RPS19: variants seen among roughly 807,000 people sequenced by gnomAD.
RPS19 encodes the protein ribosomal protein S19, also known as small ribosomal subunit protein eS19.
RPS19 carries 1 observed loss-of-function variant against 20.3 expected under a neutral mutation model. That is an observed-to-expected ratio of 0.05 (90% confidence interval 0.02 to 0.23). RPS19 has a LOEUF of 0.23. Ranked by LOEUF, RPS19 falls within the 10% of genes least tolerant of loss-of-function variation. RPS19 has a pLI of 1.00. For missense variants in RPS19, 111 were observed against 192.7 expected (o/e 0.58, Z 2.51); for synonymous variants, 87 against 74.8 (o/e 1.16, Z -0.84).
At chr19:41,869,595 G>C in intron 4 of RPS19, 104 bp from the exon 5 acceptor site, 1 of 1,261,094 alleles carries the variant, frequency 7.9e-7, no homozygotes, top group Non-Finnish European at 1.1e-6. Context: ...GACTTGGCTG[G>C]CGGCAGGTGG....
At chr19:41,863,477 T>G (rs1555839754) in intron 3 of RPS19, among the ~76,000 whole-genome samples, 1 of 152,152 alleles carries the variant, frequency 6.6e-6, no homozygotes, top group Non-Finnish European at 1.5e-5. Context: ...CCCTGCTATA[T>G]TCCCTTTTTT....
chr19:41,862,554 T>TGGTCAG (rs2074042965), intron 3 of RPS19, among the ~76,000 whole-genome samples: 1 of 152,160 alleles, frequency 6.6e-6, no homozygotes, highest in African/African-American at 2.4e-5. Context: ...GATCTGGGAT[T>TGGTCAG]AGCCTTTCTC....
In RPS19 at chr19:41,871,334, T is replaced by G; in HGVS notation, c.412-17T>G. ...GACCCCCTTGACTAACTTTTATTCT[T>G]CCATCTTTTCCCACAGGTGGCAGCT... is the stretch of plus-strand genomic sequence containing the variant. On this transcript the variant is annotated splice_polypyrimidine_tract_variant and intron_variant, in intron 5 of 5. Coordinates refer to ENST00000598742, the MANE Select transcript of RPS19 (RefSeq NM_001022.4). 6.2e-7 allele frequency: 1 copy of G among 1,613,644 alleles called. No homozygotes were observed. The highest frequency in any genetic ancestry group is 8.5e-7 in the Non-Finnish European group (1 of 1,179,604).
Position 41,871,371 on chromosome 19 carries a change from G to A in RPS19, c.432G>A (p.Lys144=). 1 of 1,613,946 alleles carries A rather than the reference G, an allele frequency of 6.2e-7. No individual in the cohort carries two copies. Among genetic ancestry groups the A allele is most frequent in the Non-Finnish European group, 8.5e-7 (1 of 1,179,858 alleles). Reference sequence around the variant, plus strand: ...CACAGGTGGCAGCTGCCAACAAGAAGCATTAGAACAAACCATGCTGGGTTA... The same window carrying A: ...CACAGGTGGCAGCTGCCAACAAGAAACATTAGAACAAACCATGCTGGGTTA... ...IAGQVAAANK[K]H Residue 144 remains lysine (K), a synonymous_variant, in exon 6 of 6, where the codon AAG becomes AAA. Transcript: ENST00000598742.
rs1410317912 is a variant in RPS19, at chr19:41,869,820, C to G, written c.411+67C>G. ...TGCCCAAGCATTTCCAAAGCCCATA[C>G]TTTGTCAGGTAGACTTATTTCCTTC... is the stretch of plus-strand genomic sequence containing the variant. On this transcript the variant is annotated intron_variant, in intron 5 of 5. Transcript: ENST00000598742. 2.6e-6 allele frequency: 4 copies of G among 1,540,490 alleles called. No homozygotes were observed. In the African/African-American group the frequency reaches 4.1e-5, roughly 16 times the overall value.
intron 3 of RPS19, among the ~76,000 whole-genome samples, chr19:41,866,514 T>TA (rs554298310): frequency 1.1e-3 from 162 of 152,266 alleles, no homozygotes; most frequent in African/African-American, 3.7e-3. Flanking sequence ...TATGGGCACT[T>TA]ATTACCAGGC....
chr19:41,861,000 C>T (rs962109573), intron 2 of RPS19, 112 bp from the exon 3 acceptor site: 5 of 1,116,910 alleles, frequency 4.5e-6, no homozygotes, highest in Non-Finnish European at 6.8e-6. Flanking sequence ...CCGGTTCCAG[C>T]CTCTCTTTGT....
intron 3 of RPS19, among the ~76,000 whole-genome samples, chr19:41,865,671 C>CG (rs1555840260): frequency 6.6e-6 from 1 of 151,720 alleles, no homozygotes; most frequent in African/African-American, 2.4e-5. Context: ...AACAGAGGCC[C>CG]GGCGCGGTGG....
chr19:41,865,363 C>CAAA lies in RPS19; in HGVS notation c.173-3655_173-3653dup, dbSNP rs11445219. ...CCTGGGCAACAGAGTGAGACTGTCTCAAAAAAAAAAAAAAAGCACCTAATA... is the reference window on the plus strand; with the variant it reads ...CCTGGGCAACAGAGTGAGACTGTCTCAAAAAAAAAAAAAAAAAAGCACCTAATA... On this transcript the variant is annotated intron_variant, in intron 3 of 5. Transcript: ENST00000598742. Among the ~76,000 whole-genome samples the CAAA allele has an allele frequency of 3.8e-5, 5 of 130,720 alleles. 1 individual carries two copies. The South Asian group carries it at 1.2e-3, about 31-fold the overall frequency. The allele number at this position is 130,720 out of a possible 152,430, so 85.8% of individuals were successfully genotyped here.
chr19:41,861,130 C>G lies in RPS19; in HGVS notation c.90C>G (p.Val30=), dbSNP rs782708988. 1 of 1,614,004 alleles carries G rather than the reference C, an allele frequency of 6.2e-7. No homozygotes were observed. Among genetic ancestry groups the G allele is most frequent in the Non-Finnish European group, 8.5e-7 (1 of 1,179,956 alleles). ...GTCTTAGGTCCGGGAAGCTGAAAGT[C>G]CCCGAATGGGTGGATACCGTCAAGC... The part of the protein sequence containing the change: ...AFLKKSGKLK[V]PEWVDTVKLA... The change falls in exon 3 of 6, where the codon GTC becomes GTG. Residue 30 remains valine (V), a synonymous_variant. Coordinates refer to ENST00000598742, the MANE Select transcript of RPS19 (RefSeq NM_001022.4).
Position 41,862,630 on chromosome 19 carries a change from T to C in RPS19, c.172+1418T>C, listed in dbSNP as rs568277239. Among the ~76,000 whole-genome samples, 271 of 132,814 alleles carry C rather than the reference T, an allele frequency of 2.0e-3. 2 individuals are homozygous for C. The highest frequency in any genetic ancestry group is 7.1e-3 in the African/African-American group (258 of 36,444). 87.1% of individuals were successfully genotyped at this position (132,814 alleles called of 152,430 possible). A position where few individuals can be genotyped will look rare whatever the true frequency, so the allele number is the denominator to read the frequency against. On this transcript the variant is annotated intron_variant, in intron 3 of 5. Coordinates refer to ENST00000598742, the MANE Select transcript of RPS19 (RefSeq NM_001022.4). Reference sequence around the variant, plus strand: ...CTCCAAAGTAGGACTGTATGTGTCTTGTACATTTTTTTTTTTTTTTTTAAC... The same window carrying C: ...CTCCAAAGTAGGACTGTATGTGTCTCGTACATTTTTTTTTTTTTTTTTAAC...
intron 3 of RPS19, 21 bp downstream of exon 3, chr19:41,861,233 G>T (rs376154871): frequency 1.0e-5 from 16 of 1,578,554 alleles, no homozygotes; most frequent in Non-Finnish European, 1.3e-5. Flanking sequence ...TAGGTCTTTG[G>T]CTGGAGAGTG....
In RPS19 at chr19:41,861,079, T is replaced by C. The variant is rs200588231; in HGVS notation, c.72-33T>C. 45 of 1,543,558 alleles carry C rather than the reference T, an allele frequency of 2.9e-5. No individual in the cohort carries two copies. In the African/African-American group the frequency reaches 4.8e-4, roughly 16 times the overall value. ...ATATGGGGTAGTTTGTGGAGATGAC[T>C]GAATCGTGCTTTTCCCACTGTTTTG... On this transcript the variant is annotated intron_variant, in intron 2 of 5. Coordinates refer to ENST00000598742, the MANE Select transcript of RPS19 (RefSeq NM_001022.4).
intron 5 of RPS19, among the ~76,000 whole-genome samples, chr19:41,870,149 C>T (rs1355825369): frequency 6.6e-6 from 1 of 151,566 alleles, no homozygotes; most frequent in Non-Finnish European, 1.5e-5. Context: ...GGCTGAGGCA[C>T]AAAAATCACT....
At chr19:41,860,662 C>CG (rs1329069099) in intron 1 of RPS19, 113 bp from the exon 2 acceptor site, 18 of 866,860 alleles carry the variant, frequency 2.1e-5, no homozygotes, top group African/African-American at 4.9e-5. Context: ...TGGGAAGTAA[C>CG]GGGGGGTACC....
chr19:41,869,779 T>C, intron 5 of RPS19, 26 bp downstream of exon 5: 1 of 1,611,854 alleles, frequency 6.2e-7, no homozygotes, highest in Non-Finnish European at 8.5e-7. Flanking sequence ...GGGGTGGGGC[T>C]GGGTCCCTTA....
chr19:41,861,407 G>C (rs2074030880), intron 3 of RPS19, 195 bp downstream of exon 3: 1 of 608,810 alleles, frequency 1.6e-6, no homozygotes, highest in Admixed American at 2.5e-5. Flanking sequence ...TAAGAGCTTT[G>C]TGAGAGGAGG....
chr19:41,863,565 A>C (rs2074054956), intron 3 of RPS19, among the ~76,000 whole-genome samples: 1 of 152,194 alleles, frequency 6.6e-6, no homozygotes, highest in Admixed American at 6.5e-5. Context: ...CTTGCTGAGC[A>C]GGGCCAAATT....
intron 3 of RPS19, among the ~76,000 whole-genome samples, chr19:41,862,201 G>C (rs572395138): frequency 7.2e-5 from 11 of 152,298 alleles, no homozygotes; most frequent in Non-Finnish European, 1.6e-4. Flanking sequence ...GGTACAGGTT[G>C]CTTGGCCCTT....
Sources: allele counts gnomAD v4.1 joint callset (sites outside exome capture counted in the v4.1 genomes callset), GRCh38; gene constraint gnomAD v4.1.1; transcripts MANE v1.5; gene names NCBI Gene and HGNC (gene_info 2026-07-23, HGNC 2026-07-21).